STAP1: variants seen among roughly 807,000 people sequenced by gnomAD.
STAP1 encodes the protein signal-transducing adaptor protein 1.
In STAP1, 30 loss-of-function variants were observed where a neutral mutation model predicts 37.8. The observed-to-expected ratio is 0.79, with a 90% CI of 0.59 to 1.08. The LOEUF is 1.08. STAP1 is among the 50% of genes least tolerant of loss of function. The pLI is 0.00. For missense variants in STAP1, 357 were observed against 349.4 expected, an observed-to-expected ratio of 1.02 and a Z score of -0.17; for synonymous variants, 130 against 116.0, an observed-to-expected ratio of 1.12 and a Z score of -0.78.
At chr4:67,593,387 G>C in intron 8 of STAP1, 31 bp downstream of exon 8, 1 of 1,518,694 alleles carries the variant, frequency 6.6e-7, no homozygotes, top group Non-Finnish European at 9.1e-7. Flanking sequence ...CTATGTTAAG[G>C]GAAACAAAAC....
At chr4:67,577,968 A>G (rs1727763822) in intron 4 of STAP1, among the ~76,000 whole-genome samples, 1 of 152,000 alleles carries the variant, frequency 6.6e-6, no homozygotes, top group South Asian at 2.1e-4. Flanking sequence ...TTTTTTATTT[A>G]TTTAATACAT....
chr4:67,602,229 G>A (rs1217813631), intron 8 of STAP1, among the ~76,000 whole-genome samples: 4 of 151,778 alleles, frequency 2.6e-5, no homozygotes, highest in South Asian at 2.1e-4. Flanking sequence ...ATTATGTGAT[G>A]GGATTCTGAA....
At chr4:67,575,346 C>A in intron 2 of STAP1, 39 bp from the exon 3 acceptor site, 2 of 1,362,998 alleles carry the variant, frequency 1.5e-6, no homozygotes, top group Non-Finnish European at 2.0e-6. Context: ...GTGTATTACC[C>A]ATGAAATAAT....
intron 8 of STAP1, among the ~76,000 whole-genome samples, chr4:67,603,994 C>G (rs1262641510): frequency 1.3e-5 from 2 of 152,180 alleles, no homozygotes; most frequent in African/African-American, 4.8e-5. Context: ...TTATTTCGAA[C>G]CCTAGATCAC....
intron 4 of STAP1, 82 bp downstream of exon 4, chr4:67,577,341 A>C (rs1727747131): frequency 8.1e-7 from 1 of 1,233,856 alleles, no homozygotes; most frequent in African/African-American, 1.5e-5. Context: ...ATGCAGAGTG[A>C]AAGTGGCTGA....
intron 8 of STAP1, among the ~76,000 whole-genome samples, chr4:67,603,952 T>G (rs1470762438): frequency 6.6e-6 from 1 of 152,164 alleles, no homozygotes; most frequent in African/African-American, 2.4e-5. Context: ...CCCAGGACCC[T>G]CAGTGTTTGT....
intron 7 of STAP1, 38 bp from the exon 8 acceptor site, chr4:67,593,222 G>A (rs1328265152): frequency 6.9e-7 from 1 of 1,452,984 alleles, no homozygotes; most frequent in Non-Finnish European, 9.6e-7. Context: ...TACTTATGCA[G>A]GTGATGCTGA....
intron 1 of STAP1, 72 bp downstream of exon 1, chr4:67,559,001 ATGTGT>A: frequency 1.4e-6 from 2 of 1,443,936 alleles, no homozygotes; most frequent in Non-Finnish European, 1.9e-6. Context: ...TGGTGATGTG[ATGTGT>A]TAAGACCTCC....
chr4:67,575,773 A>G (rs541014208), intron 3 of STAP1, among the ~76,000 whole-genome samples: 1 of 152,336 alleles, frequency 6.6e-6, no homozygotes, highest in African/African-American at 2.4e-5. Context: ...TTCTTGAATC[A>G]GCATTCAAAA....
At chr4:67,578,535 G>A (rs1727777414) in intron 4 of STAP1, among the ~76,000 whole-genome samples, 2 of 151,976 alleles carry the variant, frequency 1.3e-5, no homozygotes, top group South Asian at 2.1e-4. Context: ...AGAGGGAGAG[G>A]AAGGAATCCT....
chr4:67,595,940 A>G (rs532517277), intron 8 of STAP1, among the ~76,000 whole-genome samples: 1 of 152,140 alleles, frequency 6.6e-6, no homozygotes, highest in South Asian at 2.1e-4. Context: ...GATTTCTTTC[A>G]TAGTACTTTG....
intron 7 of STAP1, among the ~76,000 whole-genome samples, chr4:67,592,279 C>A (rs1179863335): frequency 6.6e-6 from 1 of 152,140 alleles, no homozygotes; most frequent in Non-Finnish European, 1.5e-5. Context: ...CAGGTGTGTA[C>A]CACTGCGCCT....
In STAP1 at chr4:67,586,467, C is replaced by A. The variant is rs573860372; in HGVS notation, c.659+2765C>A. On this transcript the variant is annotated intron_variant, in intron 6 of 8. Coordinates refer to ENST00000265404, the MANE Select transcript of STAP1 (RefSeq NM_012108.4). ...GCAAGACTCCATCTCAAAAACAAAA[C>A]AAACAAACAAAAAAACTGCATATTT... is the stretch of plus-strand genomic sequence containing the variant. Among the ~76,000 whole-genome samples the A allele has an allele frequency of 3.9e-5, 6 of 152,018 alleles. No individual in the cohort carries two copies. The South Asian group carries it at 1.2e-3, about 32-fold the overall frequency.
intron 6 of STAP1, among the ~76,000 whole-genome samples, chr4:67,587,946 A>T (rs1251649783): frequency 1.4e-5 from 2 of 146,916 alleles, no homozygotes; most frequent in African/African-American, 5.0e-5. Context: ...CTGGTCTCGA[A>T]CTCCTGACCT....
chr4:67,599,642 CTTTTTT>C (rs879875528), intron 8 of STAP1, among the ~76,000 whole-genome samples: 7 of 144,426 alleles, frequency 4.8e-5, no homozygotes, highest in Non-Finnish European at 9.2e-5. Context: ...TTTTCTTTTT[CTTTTTT>C]TTTTTATTTT....
intron 1 of STAP1, among the ~76,000 whole-genome samples, chr4:67,562,171 C>T (rs1316710588): frequency 4.8e-5 from 7 of 147,302 alleles, no homozygotes; most frequent in African/African-American, 1.8e-4. Context: ...TTTCTTCAAT[C>T]TGTGATGTGC....
At chr4:67,573,163 G>T (rs1460977192) in intron 2 of STAP1, among the ~76,000 whole-genome samples, 1 of 152,210 alleles carries the variant, frequency 6.6e-6, no homozygotes, top group East Asian at 1.9e-4. Context: ...AAGGGTCACT[G>T]AATTTGTTTC....
intron 8 of STAP1, among the ~76,000 whole-genome samples, chr4:67,600,251 C>T (rs1180020344): frequency 2.0e-5 from 3 of 152,232 alleles, no homozygotes; most frequent in African/African-American, 7.2e-5. Flanking sequence ...TTAGTTTATT[C>T]ATTGACCCAC....
intron 4 of STAP1, 104 bp from the exon 5 acceptor site, chr4:67,581,201 G>A: frequency 9.1e-7 from 1 of 1,101,288 alleles, no homozygotes; most frequent in Non-Finnish European, 1.3e-6. Flanking sequence ...ATTCACCTCT[G>A]TCAGGTAACT....
Sources: allele counts gnomAD v4.1 joint callset (sites outside exome capture counted in the v4.1 genomes callset), GRCh38; gene constraint gnomAD v4.1.1; transcripts MANE v1.5; gene names NCBI Gene and HGNC (gene_info 2026-07-23, HGNC 2026-07-21).